The following DPY19L3 variants were observed in gnomAD, a reference collection of about 807,000 sequenced individuals.
DPY19L3 encodes the protein protein C-mannosyl-transferase DPY19L3.
A neutral mutation model predicts 92.3 loss-of-function variants in DPY19L3; 51 were observed. That is an observed-to-expected ratio of 0.55 (90% CI 0.44 to 0.70). The LOEUF (loss-of-function observed/expected upper bound fraction) is 0.70. Among genes scored for constraint, DPY19L3 ranks in the 30% least tolerant of loss-of-function variants. DPY19L3 has a pLI of 0.00. For missense variants in DPY19L3, 706 were observed against 855.9 expected, an observed-to-expected ratio of 0.82 and a Z score of 2.18; for synonymous variants, 309 against 315.2, an observed-to-expected ratio of 0.98 and a Z score of 0.21.
chr19:32,464,663 C>A, intron 14 of DPY19L3, 65 bp from the exon 15 acceptor site: 2 of 1,033,720 alleles, frequency 1.9e-6, no homozygotes, highest in African/African-American at 1.7e-5. Flanking sequence ...CATAGCAAGA[C>A]CCTGTCTCTC....
Position 32,458,077 on chromosome 19 carries a change from TTTG to T in DPY19L3, c.1090-20_1090-18del, listed in dbSNP as rs1202321200. 1 of 1,591,994 alleles carries T rather than the reference TTTG, an allele frequency of 6.3e-7. No homozygotes were observed. The highest frequency in any genetic ancestry group is 8.6e-7 in the Non-Finnish European group (1 of 1,166,236). ...CGTGCCTAAAGGACTAATAGCAATT[TTTG>T]TTTTCTCTTTCCCCGATAGAAAATT... On this transcript the variant is annotated intron_variant, in intron 10 of 18. Transcript: ENST00000392250.
intron 10 of DPY19L3, among the ~76,000 whole-genome samples, chr19:32,457,598 C>T (rs1969905665): frequency 6.6e-6 from 1 of 152,124 alleles, no homozygotes; most frequent in Non-Finnish European, 1.5e-5. Flanking sequence ...TAATGATGAA[C>T]ACTCATATTT....
chr19:32,432,954 T>C (rs1319180635), intron 4 of DPY19L3, 148 bp downstream of exon 4: 10 of 643,564 alleles, frequency 1.6e-5, no homozygotes, highest in South Asian at 1.2e-4. Flanking sequence ...TGAAAATGTT[T>C]TTTGCTCTGG....
intron 9 of DPY19L3, among the ~76,000 whole-genome samples, chr19:32,454,439 T>C (rs543051071): frequency 2.0e-3 from 300 of 152,226 alleles, no homozygotes; most frequent in African/African-American, 7.1e-3. Context: ...CCGGGTGTTG[T>C]GGCAGGCGCC....
At chr19:32,411,102 G>T in intron 2 of DPY19L3, 137 bp from the exon 3 acceptor site, 1 of 805,568 alleles carries the variant, frequency 1.2e-6, no homozygotes, top group African/African-American at 1.7e-5. Context: ...AATCAGAAAG[G>T]ACCCTCCGCT....
chr19:32,452,841 G>A lies in DPY19L3; in HGVS notation c.856-304G>A, dbSNP rs183295969. On this transcript the variant is annotated intron_variant, in intron 8 of 18. Coordinates refer to ENST00000392250, the MANE Select transcript of DPY19L3 (RefSeq NM_001172774.2). Reference sequence around the variant, plus strand: ...CCGAAATAGCTGGGATCACAGGCACGAGCCACCACGCCTAGCTAATTTTTT... The same window carrying A: ...CCGAAATAGCTGGGATCACAGGCACAAGCCACCACGCCTAGCTAATTTTTT... 4.8e-4 allele frequency among the ~76,000 whole-genome samples: 72 copies of A among 150,900 alleles called. No individual in the cohort carries two copies. The East Asian group carries it at 0.013, about 27-fold the overall frequency.
chr19:32,465,408 G>A (rs1292550638), intron 15 of DPY19L3, among the ~76,000 whole-genome samples: 1 of 152,176 alleles, frequency 6.6e-6, no homozygotes, highest in African/African-American at 2.4e-5. Flanking sequence ...TTTGACATTG[G>A]CAGTCTTGAA....
chr19:32,407,310 G>T (rs888099704), intron 1 of DPY19L3, among the ~76,000 whole-genome samples: 10 of 127,384 alleles, frequency 7.9e-5, no homozygotes, highest in Non-Finnish European at 3.2e-5. Context: ...GATAGCAGCT[G>T]CCCTGATTGG....
intron 8 of DPY19L3, among the ~76,000 whole-genome samples, chr19:32,444,688 C>T (rs73567562): frequency 0.039 from 5,911 of 152,166 alleles, 360 homozygotes; most frequent in African/African-American, 0.14. Context: ...TATAATCAAA[C>T]TTTTGGAGAC....
chr19:32,461,209 G>T (rs573974600), intron 12 of DPY19L3, among the ~76,000 whole-genome samples: 33 of 151,468 alleles, frequency 2.2e-4, no homozygotes, highest in African/African-American at 7.8e-4. Flanking sequence ...AGTGTGAGGG[G>T]TACATCTGAA....
intron 3 of DPY19L3, among the ~76,000 whole-genome samples, chr19:32,424,005 C>CTGTCTGGGTGACAGA (rs1968670225): frequency 6.7e-6 from 1 of 149,986 alleles, no homozygotes; most frequent in Non-Finnish European, 1.5e-5. Context: ...AGAATGAGAC[C>CTGTCTGGGTGACAGA]ATCTCGAAAA....
In DPY19L3 at chr19:32,408,823, G is replaced by A. The variant is rs547275568; in HGVS notation, c.103+467G>A. Reference sequence around the variant, plus strand: ...TTTTTTTTTTTTCTTTTATTGGTGGGAAAAGTAATCAGAACTTGGTCAGTT... The same window carrying A: ...TTTTTTTTTTTTCTTTTATTGGTGGAAAAAGTAATCAGAACTTGGTCAGTT... On this transcript the variant is annotated intron_variant, in intron 2 of 18. Coordinates refer to ENST00000392250, the MANE Select transcript of DPY19L3 (RefSeq NM_001172774.2). 8.8e-4 allele frequency among the ~76,000 whole-genome samples: 133 copies of A among 151,476 alleles called. 1 individual carries two copies. The Middle Eastern group carries it at 0.017, about 19-fold the overall frequency.
At chr19:32,459,263 C>T (rs1182194621) in intron 12 of DPY19L3, among the ~76,000 whole-genome samples, 3 of 152,130 alleles carry the variant, frequency 2.0e-5, no homozygotes, top group Non-Finnish European at 4.4e-5. Flanking sequence ...TGCATTGACT[C>T]TTCGTGTTAA....
At chr19:32,407,078 C>T (rs77035644) in intron 1 of DPY19L3, among the ~76,000 whole-genome samples, 8 of 150,824 alleles carry the variant, frequency 5.3e-5, no homozygotes, top group African/African-American at 2.0e-4. Flanking sequence ...GAGCAAGTTA[C>T]CCTTAGGAAT....
chr19:32,442,533 G>GTATATAACAAACATA (rs1568340391), intron 8 of DPY19L3, among the ~76,000 whole-genome samples: 5 of 152,166 alleles, frequency 3.3e-5, no homozygotes, highest in Non-Finnish European at 5.9e-5. Context: ...AGAGGAATTT[G>GTATATAACAAACATA]AGAGGTAGAG....
intron 13 of DPY19L3, 43 bp downstream of exon 13, chr19:32,463,531 T>C (rs777949323): frequency 6.3e-7 from 1 of 1,583,508 alleles, no homozygotes. Context: ...ATTTGATCAC[T>C]CTTGATGTTA....
chr19:32,446,115 T>G (rs765401459), intron 8 of DPY19L3, among the ~76,000 whole-genome samples: 5 of 152,204 alleles, frequency 3.3e-5, no homozygotes, highest in Non-Finnish European at 5.9e-5. Context: ...TAATGAGACT[T>G]AAATGGAGGT....
intron 18 of DPY19L3, chr19:32,481,102 C>T: frequency 4.0e-6 from 1 of 247,998 alleles, no homozygotes; most frequent in Non-Finnish European, 7.7e-6. Flanking sequence ...CTTCTCCCTT[C>T]TCCCTTCTGA....
intron 1 of DPY19L3, among the ~76,000 whole-genome samples, chr19:32,407,488 C>A (rs1968012838): frequency 6.6e-6 from 1 of 152,186 alleles, no homozygotes; most frequent in Admixed American, 6.5e-5. Context: ...CACGTGGCCA[C>A]TTCTGTGGGA....
Sources: allele counts gnomAD v4.1 joint callset (sites outside exome capture counted in the v4.1 genomes callset), GRCh38; gene constraint gnomAD v4.1.1; transcripts MANE v1.5; gene names NCBI Gene and HGNC (gene_info 2026-07-23, HGNC 2026-07-21).